HECW1: variants seen among roughly 807,000 people sequenced by gnomAD.
The protein encoded by HECW1 is E3 ubiquitin-protein ligase HECW1.
HECW1 carries 61 observed loss-of-function variants against 182.3 expected under a neutral mutation model. The ratio of observed to expected loss-of-function variants is 0.33; its 90% CI spans 0.27 to 0.41. The LOEUF (loss-of-function observed/expected upper bound fraction) is 0.41, where lower values mean the gene tolerates loss of function less well. Ranked by LOEUF, HECW1 falls within the 10% of genes least tolerant of loss-of-function variation. The pLI is 1.00. For missense variants in HECW1, 1,739 were observed against 2,108.9 expected, an observed-to-expected ratio of 0.82 and a Z score of 3.44; for synonymous variants, 859 against 832.6, an observed-to-expected ratio of 1.03 and a Z score of -0.55.
At chr7:43,283,733 A>G (rs1804232288) in intron 3 of HECW1, among the ~76,000 whole-genome samples, 1 of 152,232 alleles carries the variant, frequency 6.6e-6, no homozygotes, top group African/African-American at 2.4e-5. Flanking sequence ...ACGTCCCTCA[A>G]AGTGGGACCC....
At chr7:43,227,012 A>C (rs2152706555) in intron 2 of HECW1, among the ~76,000 whole-genome samples, 1 of 152,368 alleles carries the variant, frequency 6.6e-6, no homozygotes, top group South Asian at 2.1e-4. Flanking sequence ...TATTTTTAGC[A>C]AAATGACATA....
In HECW1 at chr7:43,479,579, A is replaced by C. The variant is rs900767348; in HGVS notation, c.3100-31A>C. ...CCATTTTGGCCTATTCTCACACCAC[A>C]CGGTGCTTTTTTTCACTGGTCTGTT... On this transcript the variant is annotated intron_variant, in intron 16 of 29. Coordinates refer to ENST00000395891, the MANE Select transcript of HECW1 (RefSeq NM_015052.5). 10 of 1,613,524 alleles carry C rather than the reference A, an allele frequency of 6.2e-6. No homozygotes were observed. In the African/African-American group the frequency reaches 1.2e-4, roughly 19 times the overall value.
intron 2 of HECW1, among the ~76,000 whole-genome samples, chr7:43,200,865 A>G (rs1314197725): frequency 6.6e-6 from 1 of 152,216 alleles, no homozygotes; most frequent in Non-Finnish European, 1.5e-5. Context: ...CCTAAACAAA[A>G]ATAGCTACAA....
intron 2 of HECW1, among the ~76,000 whole-genome samples, chr7:43,234,451 C>T (rs1450475061): frequency 2.0e-5 from 3 of 152,160 alleles, no homozygotes; most frequent in Non-Finnish European, 4.4e-5. Context: ...TTCTGTCCTC[C>T]CCTTTGTTCC....
At chr7:43,164,251 C>T (rs947367745) in intron 2 of HECW1, among the ~76,000 whole-genome samples, 1 of 152,186 alleles carries the variant, frequency 6.6e-6, no homozygotes, top group African/African-American at 2.4e-5. Flanking sequence ...GGAGGAAGGG[C>T]TCAGCCATTG....
At chr7:43,408,062 T>C (rs1383181642) in intron 8 of HECW1, among the ~76,000 whole-genome samples, 1 of 152,134 alleles carries the variant, frequency 6.6e-6, no homozygotes, top group Non-Finnish European at 1.5e-5. Context: ...TTCCAGTTTC[T>C]CCACAGCTCT....
intron 8 of HECW1, among the ~76,000 whole-genome samples, chr7:43,418,392 A>G (rs1014578047): frequency 6.6e-6 from 1 of 152,188 alleles, no homozygotes; most frequent in Admixed American, 6.5e-5. Context: ...TCACCAAATC[A>G]AGGAAGTTTG....
At chr7:43,319,765 A>G (rs1431144097) in intron 4 of HECW1, among the ~76,000 whole-genome samples, 8 of 101,284 alleles carry the variant, frequency 7.9e-5, no homozygotes, top group African/African-American at 5.4e-4. Context: ...ACGCCTGGCT[A>G]ATTTTTGTAA....
At chr7:43,380,948 A>G (rs1196343015) in intron 6 of HECW1, among the ~76,000 whole-genome samples, 1 of 152,216 alleles carries the variant, frequency 6.6e-6, no homozygotes, top group Non-Finnish European at 1.5e-5. Flanking sequence ...ACAAATTTAC[A>G]CTTCCACCAG....
At chr7:43,410,152 C>T (rs1200717084) in intron 8 of HECW1, among the ~76,000 whole-genome samples, 2 of 150,702 alleles carry the variant, frequency 1.3e-5, no homozygotes, top group Non-Finnish European at 3.0e-5. Context: ...AAAGCCTTCT[C>T]CTTGCAAGAC....
rs769451684 is a variant in HECW1 at position 43,444,713 on chromosome 7, C to T, written c.1541C>T (p.Thr514Ile). The T allele has an allele frequency of 4.3e-6, 7 of 1,611,142 alleles. No individual in the cohort carries two copies. The highest frequency in any genetic ancestry group is 5.9e-6 in the Non-Finnish European group (7 of 1,178,578). The change falls in exon 11 of 30, where the codon ACC becomes ATC. Residue 514 changes from threonine to isoleucine, a missense_variant. Coordinates refer to ENST00000395891, the MANE Select transcript of HECW1 (RefSeq NM_015052.5). The surrounding 1 kb of genome is among the most constrained non-coding windows in gnomAD (Gnocchi z 4.3). ...CAGGAGGAGGAGGGAGATGTGTCTA[C>T]CCTGGAGCAGGGAGAGGGCAGGCTG... is the stretch of plus-strand genomic sequence containing the variant. ...KEQEEEGDVS[T>I]LEQGEGRLQL...
chr7:43,437,297 A>T (rs1179166180), intron 8 of HECW1, among the ~76,000 whole-genome samples: 1 of 152,188 alleles, frequency 6.6e-6, no homozygotes, highest in East Asian at 1.9e-4. Context: ...TCAAAGATTT[A>T]TCAGCCTTCA....
chr7:43,420,492 A>G (rs993772464), intron 8 of HECW1, among the ~76,000 whole-genome samples: 3 of 152,222 alleles, frequency 2.0e-5, no homozygotes, highest in Non-Finnish European at 4.4e-5. Flanking sequence ...TAAAAAAATA[A>G]ACAAATAAAG....
At chr7:43,157,017 T>C (rs1299816465) in intron 2 of HECW1, among the ~76,000 whole-genome samples, 1 of 152,254 alleles carries the variant, frequency 6.6e-6, no homozygotes, top group Non-Finnish European at 1.5e-5. Flanking sequence ...TAATTTAGCC[T>C]GTCCTGACTG....
rs777894486 is a variant in HECW1, at chr7:43,466,430, G to A, written c.2792-17G>A. ...TTTTCCCAATGCATTCTGTTGCTTT[G>A]CTTCACTTTTTTTCAGATCTAAGGA... On this transcript the variant is annotated splice_polypyrimidine_tract_variant and intron_variant, in intron 14 of 29. Transcript: ENST00000395891. 1 of 1,612,470 alleles carries A rather than the reference G, an allele frequency of 6.2e-7. No homozygotes were observed. Among genetic ancestry groups the A allele is most frequent in the Admixed American group, 1.7e-5 (1 of 59,934 alleles).
At chr7:43,135,439 T>TA (rs961507227) in intron 2 of HECW1, among the ~76,000 whole-genome samples, 3 of 151,892 alleles carry the variant, frequency 2.0e-5, no homozygotes, top group Admixed American at 6.6e-5. Flanking sequence ...GAGCTAGGGC[T>TA]AAAAAAAACA....
At chr7:43,522,836 A>G (rs1050230529) in intron 24 of HECW1, among the ~76,000 whole-genome samples, 2 of 152,214 alleles carry the variant, frequency 1.3e-5, no homozygotes, top group African/African-American at 4.8e-5. Context: ...AAAAGCCAGG[A>G]GCAGGGAAAT....
intron 2 of HECW1, among the ~76,000 whole-genome samples, chr7:43,213,998 C>T (rs1307999505): frequency 6.6e-6 from 1 of 151,854 alleles, no homozygotes; most frequent in Non-Finnish European, 1.5e-5. Context: ...TATATAAGAC[C>T]TTTAGAGACC....
In HECW1 at chr7:43,407,657, G is replaced by T. The variant is rs745781767; in HGVS notation, c.727G>T (p.Ala243Ser). Reference protein sequence around the residue: ...IQPGKHSIFPALPHHGQERRS... With the variant: ...IQPGKHSIFPSLPHHGQERRS... ...GCCTGGGAAACACAGCATCTTCCCC[G>T]CCCTCCCTCACCATGGACAGGAGAG... Residue 243 changes from alanine (A) to serine (S), a missense_variant, in exon 8 of 30, where the codon GCC becomes TCC. Physicochemically the swap from Ala to Ser is moderately conservative, Grantham distance 99 (BLOSUM62 1). Around this residue, in one of 5 missense-constraint regions of HECW1, gnomAD observed 279 missense variants for 353.1 expected, o/e 0.79. Coordinates refer to ENST00000395891, the MANE Select transcript of HECW1 (RefSeq NM_015052.5). 4.3e-6 allele frequency: 7 copies of T among 1,613,592 alleles called. No individual in the cohort carries two copies. The African/African-American group carries it at 5.3e-5, about 12-fold the overall frequency.
Sources: allele counts gnomAD v4.1 joint callset (sites outside exome capture counted in the v4.1 genomes callset), GRCh38; gene constraint gnomAD v4.1.1; regional missense constraint gnomAD v4.1.1; non-coding constraint Gnocchi (gnomAD v3.1); transcripts MANE v1.5; gene names NCBI Gene and HGNC (gene_info 2026-07-23, HGNC 2026-07-21).